PSMA5: variants seen among roughly 807,000 people sequenced by gnomAD.
PSMA5 encodes the protein proteasome subunit alpha type-5.
A neutral mutation model predicts 34.5 loss-of-function variants in PSMA5; 3 were observed. The ratio of observed to expected loss-of-function variants is 0.09; its 90% CI spans 0.04 to 0.22. PSMA5 has a LOEUF of 0.22. PSMA5 is among the 10% of genes least tolerant of loss of function. The pLI, the probability that PSMA5 is intolerant of heterozygous loss-of-function variation, is 1.00. For synonymous variants in PSMA5, 88 were observed against 95.8 expected (o/e 0.92, Z 0.47); for missense variants, 120 against 286.1 (o/e 0.42, Z 4.19).
At chr1:109,421,140 T>C (rs1258001489) in intron 2 of PSMA5, among the ~76,000 whole-genome samples, 1 of 151,756 alleles carries the variant, frequency 6.6e-6, no homozygotes, top group Non-Finnish European at 1.5e-5. Context: ...TGAGCTAAGA[T>C]GGTGTCACTG....
In PSMA5 at chr1:109,424,698, C is replaced by T. The variant is rs1654580618; in HGVS notation, c.29+1604G>A. Among the ~76,000 whole-genome samples, 3 of 149,456 alleles carry T rather than the reference C, an allele frequency of 2.0e-5. No homozygotes were observed. The South Asian group carries it at 6.4e-4, about 32-fold the overall frequency. ...GCTGAGTCAGAGAATTGCTTAAACC[C>T]AGGCGGCAGGCCAGGCGCGGTGGCT... On this transcript the variant is annotated intron_variant, in intron 1 of 8. Transcript: ENST00000271308.
chr1:109,424,004 C>T (rs888068155), intron 1 of PSMA5, among the ~76,000 whole-genome samples: 5 of 152,310 alleles, frequency 3.3e-5, no homozygotes, highest in East Asian at 3.9e-4. Context: ...TTCCCATACA[C>T]GTATCATATG....
chr1:109,402,156 C>A lies in PSMA5; in HGVS notation c.649-66G>T. 4 of 1,191,750 alleles carry A rather than the reference C, an allele frequency of 3.4e-6. No individual in the cohort carries two copies. The South Asian group carries it at 5.2e-5, about 15-fold the overall frequency. 73.8% of individuals were successfully genotyped at this position (1,191,750 alleles called of 1,614,324 possible). ...ACCCTGCTGATGGCCCTACCATGGT[C>A]AGGAGAAGCTGTGTTGGTGATGCAG... is the stretch of plus-strand genomic sequence containing the variant. On this transcript the variant is annotated intron_variant, in intron 8 of 8. Coordinates refer to ENST00000271308, the MANE Select transcript of PSMA5 (RefSeq NM_002790.4).
intron 1 of PSMA5, 136 bp downstream of exon 1, chr1:109,426,166 A>T (rs755412886): frequency 6.7e-6 from 8 of 1,192,940 alleles, no homozygotes; most frequent in Non-Finnish European, 8.6e-6. Context: ...GCGCCTGAGG[A>T]GGGCATAACA....
At chr1:109,418,453 C>G (rs951490917) in intron 2 of PSMA5, among the ~76,000 whole-genome samples, 2 of 152,162 alleles carry the variant, frequency 1.3e-5, no homozygotes, top group African/African-American at 4.8e-5. Context: ...ATAGCTAAGA[C>G]TACAGGTGTA....
At chr1:109,426,248 G>A (rs1571037412) in intron 1 of PSMA5, 54 bp downstream of exon 1, 1 of 1,608,326 alleles carries the variant, frequency 6.2e-7, no homozygotes, top group Admixed American at 1.7e-5. Context: ...GCGCGGCCAG[G>A]TCCCGGGCCT....
chr1:109,402,642 T>C (rs1653578503), intron 8 of PSMA5, among the ~76,000 whole-genome samples: 1 of 152,190 alleles, frequency 6.6e-6, no homozygotes, highest in Non-Finnish European at 1.5e-5. Flanking sequence ...TCATTAACTA[T>C]TGTCAGGTAT....
rs546312113 is a variant in PSMA5, at chr1:109,413,260, T to C, written c.224-125A>G. ...CATTCAGCTATCCCATGGCATTTTA[T>C]ACCCAAAAGATTAGATAGGAAATGA... On this transcript the variant is annotated intron_variant, in intron 3 of 8. Transcript: ENST00000271308. 4 of 799,452 alleles carry C rather than the reference T, an allele frequency of 5.0e-6. No homozygotes were observed. In the Admixed American group the frequency reaches 8.1e-5, roughly 16 times the overall value. The allele number at this position is 799,452 out of a possible 1,614,324, so 49.5% of individuals were successfully genotyped here. A position where few individuals can be genotyped will look rare whatever the true frequency, so the allele number is the denominator to read the frequency against.
intron 1 of PSMA5, chr1:109,425,715 A>C (rs1252765341): frequency 6.5e-6 from 1 of 152,754 alleles, no homozygotes; most frequent in Non-Finnish European, 1.5e-5. Flanking sequence ...ACTTGCTTTA[A>C]ACTTTTAAAA....
At chr1:109,415,728 C>T (rs555703382) in intron 2 of PSMA5, among the ~76,000 whole-genome samples, 5 of 152,208 alleles carry the variant, frequency 3.3e-5, no homozygotes, top group African/African-American at 9.6e-5. Flanking sequence ...ATTTGGAGGA[C>T]GGAGGATTCA....
intron 8 of PSMA5, among the ~76,000 whole-genome samples, chr1:109,405,047 A>G (rs1653691986): frequency 6.6e-6 from 1 of 152,256 alleles, no homozygotes; most frequent in South Asian, 2.1e-4. Flanking sequence ...AGAACACGAC[A>G]TATTTGCAAA....
intron 8 of PSMA5, among the ~76,000 whole-genome samples, chr1:109,408,035 C>T (rs949278282): frequency 8.5e-5 from 13 of 152,150 alleles, no homozygotes; most frequent in Non-Finnish European, 1.3e-4. Flanking sequence ...ATTCACCTAC[C>T]CTCGGCAGAT....
At chr1:109,410,053 G>A (rs1653931557) in intron 7 of PSMA5, 39 bp from the exon 8 acceptor site, 2 of 1,290,232 alleles carry the variant, frequency 1.6e-6, no homozygotes, top group East Asian at 4.7e-5. Context: ...TATTAATTAT[G>A]CACAATCCGT....
rs1189845790 is a variant in PSMA5, at chr1:109,402,076, C to T, written c.663G>A (p.Gln221=). 1.9e-6 allele frequency: 3 copies of T among 1,612,364 alleles called. No homozygotes were observed. Among genetic ancestry groups the T allele is most frequent in the African/African-American group, 1.3e-5 (1 of 74,802 alleles). ...NATNIELATV[Q]PGQNFHMFTK... ...TGAACATGTGGAAATTCTGGCCAGG[C>T]TGCACTGTGGCTAGCTGGAAAGAAA... Residue 221 remains glutamine, a synonymous_variant, in exon 9 of 9, where the codon CAG becomes CAA. Coordinates refer to ENST00000271308, the MANE Select transcript of PSMA5 (RefSeq NM_002790.4).
chr1:109,417,817 C>G (rs565765600), intron 2 of PSMA5, among the ~76,000 whole-genome samples: 2 of 152,114 alleles, frequency 1.3e-5, no homozygotes, highest in African/African-American at 4.8e-5. Flanking sequence ...GATTTCATAA[C>G]TAAAACCCAC....
At position 109,400,754 on chromosome 1, in the gene PSMA5, C is replaced by A. The variant is rs973591970; in HGVS notation, c.*1259G>T. ...GGATTTAGTATGAATTCAGCCTATC[C>A]AAATAGTCATAATTTATTAACATAT... is the stretch of plus-strand genomic sequence containing the variant. On this transcript the variant is annotated 3_prime_UTR_variant, in exon 9 of 9. Transcript: ENST00000271308. 1.2e-4 allele frequency: 18 copies of A among 152,074 alleles called. No homozygotes were observed. Among genetic ancestry groups the A allele is most frequent in the Non-Finnish European group, 2.6e-4 (18 of 68,024 alleles). 9.4% of individuals were successfully genotyped at this position (152,074 alleles called of 1,614,324 possible).
At chr1:109,422,802 C>G (rs78805295) in intron 1 of PSMA5, among the ~76,000 whole-genome samples, 1 of 152,328 alleles carries the variant, frequency 6.6e-6, no homozygotes, top group South Asian at 2.1e-4. Context: ...AAGTTAGTCA[C>G]AGGTACATTT....
At chr1:109,410,463 TGTGAGCA>T (rs1557840740) in intron 7 of PSMA5, among the ~76,000 whole-genome samples, 1 of 152,248 alleles carries the variant, frequency 6.6e-6, no homozygotes, top group Non-Finnish European at 1.5e-5. Context: ...TAGGAGCTAA[TGTGAGCA>T]GGCATCCCTG....
chr1:109,402,086 G>C lies in PSMA5; in HGVS notation c.653C>G (p.Ala218Gly). Residue 218 changes from alanine (A) to glycine (G), a missense_variant, in exon 9 of 9, where the codon GCC becomes GGC. Around this residue, in one of 3 missense-constraint regions of PSMA5, gnomAD observed 83 missense variants for 203.2 expected, o/e 0.41. Transcript: ENST00000271308. ...EKLNATNIEL[A>G]TVQPGQNFHM... Reference sequence around the variant, plus strand: ...GAAATTCTGGCCAGGCTGCACTGTGGCTAGCTGGAAAGAAAACAGAAGGGT... The same window carrying C: ...GAAATTCTGGCCAGGCTGCACTGTGCCTAGCTGGAAAGAAAACAGAAGGGT... 3 of 1,611,292 alleles carry C rather than the reference G, an allele frequency of 1.9e-6. No individual in the cohort carries two copies. The highest frequency in any genetic ancestry group is 1.7e-6 in the Non-Finnish European group (2 of 1,178,496).
Sources: gnomAD v4.1 joint callset for allele counts (sites outside exome capture counted in the v4.1 genomes callset) on GRCh38, gnomAD v4.1.1 for gene constraint, gnomAD v4.1.1 regional missense constraint, MANE v1.5 for transcripts, NCBI Gene and HGNC (gene_info 2026-07-23, HGNC 2026-07-21) for gene names.